The following STK39 variants were observed in gnomAD, a reference collection of about 807,000 sequenced individuals.
The protein encoded by STK39 is serine/threonine kinase 39.
A neutral mutation model predicts 77.8 loss-of-function variants in STK39; 20 were observed. That is an observed-to-expected ratio of 0.26 (90% CI 0.18 to 0.37). STK39 has a LOEUF of 0.37. STK39 is among the 10% of genes least tolerant of loss of function. The pLI is 1.00. For missense variants in STK39, 479 were observed against 656.5 expected, an observed-to-expected ratio of 0.73 and a Z score of 2.95; for synonymous variants, 246 against 234.1, an observed-to-expected ratio of 1.05 and a Z score of -0.47.
chr2:168,239,624 G>A (rs747378422), intron 1 of STK39, among the ~76,000 whole-genome samples: 4 of 152,324 alleles, frequency 2.6e-5, no homozygotes, highest in African/African-American at 4.8e-5. Context: ...ATTTTTAGAC[G>A]TCAGGCAATG....
chr2:167,981,049 G>GT (rs1000015068), intron 16 of STK39, among the ~76,000 whole-genome samples: 7 of 143,182 alleles, frequency 4.9e-5, no homozygotes, highest in Non-Finnish European at 9.2e-5. Context: ...AGGCCACAGA[G>GT]TAAAAAAAAA....
At chr2:167,990,002 C>T (rs1346528213) in intron 16 of STK39, among the ~76,000 whole-genome samples, 7 of 151,990 alleles carry the variant, frequency 4.6e-5, no homozygotes, top group African/African-American at 7.2e-5. Flanking sequence ...AGGGCTAAAA[C>T]GACCAATAAT....
Position 168,129,878 on chromosome 2 carries a change from T to A in STK39, c.975-120A>T, listed in dbSNP as rs1002158608. On this transcript the variant is annotated intron_variant, in intron 8 of 17. Transcript: ENST00000355999. ...AGACCAATTTTAGTAATAGCAAAAC[T>A]GGGAACCAAATTAATCATAGGCTGG... 5 of 1,068,220 alleles carry A rather than the reference T, an allele frequency of 4.7e-6. No individual in the cohort carries two copies. The South Asian group carries it at 6.9e-5, about 15-fold the overall frequency. The allele number at this position is 1,068,220 out of a possible 1,614,324, so 66.2% of individuals were successfully genotyped here.
At chr2:168,052,009 A>C (rs1427460258) in intron 14 of STK39, among the ~76,000 whole-genome samples, 4 of 149,842 alleles carry the variant, frequency 2.7e-5, no homozygotes, top group Non-Finnish European at 5.9e-5. Context: ...TTTTTTTTTA[A>C]CTAGGAAACC....
chr2:168,046,094 A>G (rs1176357204), intron 14 of STK39, among the ~76,000 whole-genome samples: 1 of 152,176 alleles, frequency 6.6e-6, no homozygotes, highest in Non-Finnish European at 1.5e-5. Flanking sequence ...ATGGCCAGGC[A>G]TGGTGGCTCA....
At chr2:168,021,965 C>T (rs1684583181) in intron 14 of STK39, among the ~76,000 whole-genome samples, 1 of 152,088 alleles carries the variant, frequency 6.6e-6, no homozygotes, top group Non-Finnish European at 1.5e-5. Flanking sequence ...ATGTTTTATG[C>T]ATGTACCAGC....
intron 13 of STK39, among the ~76,000 whole-genome samples, chr2:168,064,456 G>T (rs1685743547): frequency 6.6e-6 from 1 of 152,080 alleles, no homozygotes; most frequent in Admixed American, 6.6e-5. Context: ...GACTATGGGG[G>T]AGCCACTTCA....
At chr2:167,959,151 C>T (rs1348854150) in intron 17 of STK39, among the ~76,000 whole-genome samples, 3 of 152,050 alleles carry the variant, frequency 2.0e-5, no homozygotes, top group Non-Finnish European at 4.4e-5. Flanking sequence ...GACAGTCTCA[C>T]TCTGTCACCC....
At chr2:168,086,655 T>C (rs1686375005) in intron 10 of STK39, among the ~76,000 whole-genome samples, 1 of 152,224 alleles carries the variant, frequency 6.6e-6, no homozygotes, top group Non-Finnish European at 1.5e-5. Context: ...GCTAGTTTGG[T>C]GAAAGACACA....
rs1688578893 is a variant in STK39, at chr2:168,161,769, T to C, written c.628+18A>G. On this transcript the variant is annotated intron_variant, in intron 5 of 17. Transcript: ENST00000355999. ...CTTCCGTAATCAAGTAAAAAATTTT[T>C]CTATTTATCAGCTTTACCTGCTATT... is the stretch of plus-strand genomic sequence containing the variant. 1.3e-6 allele frequency: 2 copies of C among 1,591,946 alleles called. No individual in the cohort carries two copies. Among genetic ancestry groups the C allele is most frequent in the South Asian group, 2.3e-5 (2 of 86,498 alleles).
At chr2:168,065,867 T>C (rs892842762) in intron 12 of STK39, among the ~76,000 whole-genome samples, 30 of 152,170 alleles carry the variant, frequency 2.0e-4, no homozygotes, top group African/African-American at 6.8e-4. Context: ...TACATAAGGA[T>C]AGTTGCATTT....
At chr2:168,111,867 A>C (rs986144907) in intron 10 of STK39, among the ~76,000 whole-genome samples, 1 of 152,174 alleles carries the variant, frequency 6.6e-6, no homozygotes, top group East Asian at 1.9e-4. Flanking sequence ...CTAAATACTG[A>C]TAAATATAAA....
chr2:167,999,940 G>A (rs1683958719), intron 16 of STK39, among the ~76,000 whole-genome samples: 2 of 152,282 alleles, frequency 1.3e-5, no homozygotes, highest in South Asian at 4.2e-4. Context: ...TGTGGGCACT[G>A]GTGTCCTCAT....
chr2:168,200,536 G>A (rs1430616690), intron 1 of STK39, among the ~76,000 whole-genome samples: 1 of 152,022 alleles, frequency 6.6e-6, no homozygotes, highest in Non-Finnish European at 1.5e-5. Context: ...AATTAGCCAG[G>A]TGTGGTGGCA....
At chr2:168,165,142 C>A (rs942404780) in intron 3 of STK39, among the ~76,000 whole-genome samples, 1 of 152,090 alleles carries the variant, frequency 6.6e-6, no homozygotes, top group African/African-American at 2.4e-5. Context: ...AAAACATTTT[C>A]TTTTTATTGT....
chr2:168,136,305 G>C (rs983978049), intron 8 of STK39, among the ~76,000 whole-genome samples: 6 of 150,438 alleles, frequency 4.0e-5, no homozygotes, highest in Non-Finnish European at 5.9e-5. Context: ...GGAGGTAGAG[G>C]TTGCAGTGAG....
At chr2:168,032,315 A>G (rs1684849531) in intron 14 of STK39, among the ~76,000 whole-genome samples, 1 of 152,250 alleles carries the variant, frequency 6.6e-6, no homozygotes, top group Non-Finnish European at 1.5e-5. Context: ...GATTAGAGCC[A>G]TAACTCACAT....
At chr2:168,058,997 C>T (rs945547447) in intron 14 of STK39, among the ~76,000 whole-genome samples, 8 of 152,266 alleles carry the variant, frequency 5.3e-5, no homozygotes, top group African/African-American at 1.7e-4. Context: ...TTGGCCCCTG[C>T]TAACTCTCTG....
Position 167,991,465 on chromosome 2 carries a change from G to A in STK39, c.1498+21169C>T, listed in dbSNP as rs4667545. 6.6e-5 allele frequency among the ~76,000 whole-genome samples: 10 copies of A among 152,008 alleles called. No individual in the cohort carries two copies. The East Asian group carries it at 1.9e-3, about 29-fold the overall frequency. On this transcript the variant is annotated intron_variant, in intron 16 of 17. Coordinates refer to ENST00000355999, the MANE Select transcript of STK39 (RefSeq NM_013233.3). ...GGGGGTGGAAGAGGTCCTAGAGTTG[G>A]GTTAATGGGAATATTCAAGAGCAAT...
Sources: allele counts gnomAD v4.1 joint callset (sites outside exome capture counted in the v4.1 genomes callset), GRCh38; gene constraint gnomAD v4.1.1; transcripts MANE v1.5; gene names NCBI Gene and HGNC (gene_info 2026-07-23, HGNC 2026-07-21).